The following SYCE1L variants were observed in gnomAD, a reference collection of about 807,000 sequenced individuals.
SYCE1L encodes the protein synaptonemal complex central element protein 1 like, also known as synaptonemal complex central element protein 1-like.
In SYCE1L, 51 loss-of-function variants were observed where a neutral mutation model predicts 39.6. The observed-to-expected ratio is 1.29, with a 90% CI of 1.03 to 1.63. The LOEUF (loss-of-function observed/expected upper bound fraction) is 1.63. SYCE1L is among the 40% of genes most tolerant of loss of function. The pLI, the probability that SYCE1L is intolerant of heterozygous loss-of-function variation, is 0.00. For synonymous variants in SYCE1L, 147 were observed against 122.4 expected (o/e 1.20, Z -1.33); for missense variants, 426 against 304.9 (o/e 1.40, Z -2.96).
chr16:77,204,092 TAA>T (rs904781959), intron 1 of SYCE1L, among the ~76,000 whole-genome samples: 9 of 152,030 alleles, frequency 5.9e-5, no homozygotes, highest in Non-Finnish European at 1.3e-4. Context: ...AGAAAAAGAT[TAA>T]AAACATACTT....
intron 4 of SYCE1L, 119 bp downstream of exon 4, chr16:77,208,658 C>T (rs2054802557): frequency 9.9e-7 from 1 of 1,012,964 alleles, no homozygotes; most frequent in Admixed American, 2.6e-5. Flanking sequence ...ATCTGTATTG[C>T]CTTTCACTGT....
rs62049595 is a variant in SYCE1L at position 77,212,989 on chromosome 16, G to C, written c.*58G>C. The C allele has an allele frequency of 2.8e-6, 4 of 1,422,050 alleles. No individual in the cohort carries two copies. The Admixed American group carries it at 9.9e-5, about 35-fold the overall frequency. 88.1% of individuals were successfully genotyped at this position (1,422,050 alleles called of 1,614,324 possible). A position where few individuals can be genotyped will look rare whatever the true frequency, so the allele number is the denominator to read the frequency against. ...TCGAGACCCGCCAAGAAATAAAGGC[G>C]ATGATTTCCGACCATGCTCGCGTTC... is the stretch of plus-strand genomic sequence containing the variant. On this transcript the variant is annotated 3_prime_UTR_variant, in exon 11 of 11. Coordinates refer to ENST00000378644, the MANE Select transcript of SYCE1L (RefSeq NM_001129979.3).
intron 9 of SYCE1L, 68 bp from the exon 10 acceptor site, chr16:77,212,506 G>A: frequency 6.5e-7 from 1 of 1,538,456 alleles, no homozygotes; most frequent in Non-Finnish European, 8.7e-7. Flanking sequence ...TCCGCGTCTC[G>A]GTGGCTTCCT....
intron 7 of SYCE1L, among the ~76,000 whole-genome samples, chr16:77,211,765 G>C (rs754340637): frequency 6.6e-6 from 1 of 152,190 alleles, no homozygotes; most frequent in Non-Finnish European, 1.5e-5. Context: ...AGGCCTCTAA[G>C]CAAGTGACAT....
intron 10 of SYCE1L, 30 bp downstream of exon 10, chr16:77,212,676 G>A (rs1393669318): frequency 1.3e-6 from 2 of 1,522,990 alleles, no homozygotes; most frequent in Middle Eastern, 2.1e-4. Flanking sequence ...GAGGCGGGGC[G>A]GGCAGGGACC....
rs755897206 is a variant in SYCE1L, at chr16:77,206,434, T to C, written c.62-7T>C. ...GTGTCCTGTAATTTTGATTTTCCTT[T>C]CTACAGGGCAAGCCAAGTCTTTGAA... On this transcript the variant is annotated splice_polypyrimidine_tract_variant and splice_region_variant and intron_variant, in intron 1 of 10. Coordinates refer to ENST00000378644, the MANE Select transcript of SYCE1L (RefSeq NM_001129979.3). The C allele has an allele frequency of 3.5e-5, 55 of 1,551,318 alleles. No homozygotes were observed. The highest frequency in any genetic ancestry group is 7.1e-5 in the South Asian group (6 of 84,004).
At position 77,208,223 on chromosome 16, in the gene SYCE1L, G is replaced by A. The variant is rs1196981140; in HGVS notation, c.135G>A (p.Glu45=). 6.4e-7 allele frequency: 1 copy of A among 1,551,500 alleles called. No individual in the cohort carries two copies. Among genetic ancestry groups the A allele is most frequent in the African/African-American group, 1.4e-5 (1 of 73,056 alleles). Residue 45 remains glutamate (E), a synonymous_variant, in exon 3 of 11, where the codon GAG becomes GAA. Coordinates refer to ENST00000378644, the MANE Select transcript of SYCE1L (RefSeq NM_001129979.3). The part of the protein sequence containing the change: ...VIKLQKEGSL[E]PQIEDLISRI... ...TTCTTTCTTCAGAGGGAAGCCTGGA[G>A]CCACAGATAGAGGACCTGATTAGCC...
Position 77,212,318 on chromosome 16 carries a change from G to A in SYCE1L, c.530G>A (p.Arg177Gln). Residue 177 changes from arginine to glutamine, a missense_variant, in exon 9 of 11, where the codon CGG becomes CAG. Physicochemically the swap from Arg to Gln is conservative, Grantham distance 43 (BLOSUM62 1). Coordinates refer to ENST00000378644, the MANE Select transcript of SYCE1L (RefSeq NM_001129979.3). The part of the protein sequence containing the change: ...LVRAKLREVE[R>Q]RLHSPPEVEG... Reference sequence around the variant, plus strand: ...CGCGCCAAGCTGCGGGAGGTGGAGCGGCGGCTGCACTCGCCGCCTGAGGTC... The same window carrying A: ...CGCGCCAAGCTGCGGGAGGTGGAGCAGCGGCTGCACTCGCCGCCTGAGGTC... 1 of 1,524,904 alleles carries A rather than the reference G, an allele frequency of 6.6e-7. No individual in the cohort carries two copies. Among genetic ancestry groups the A allele is most frequent in the Non-Finnish European group, 8.8e-7 (1 of 1,137,714 alleles). The allele number at this position is 1,524,904 out of a possible 1,614,324, so 94.5% of individuals were successfully genotyped here. A position where few individuals can be genotyped will look rare whatever the true frequency, so the allele number is the denominator to read the frequency against.
chr16:77,203,862 T>G (rs111549465), intron 1 of SYCE1L, among the ~76,000 whole-genome samples: 4,128 of 152,284 alleles, frequency 0.027, 87 homozygotes, highest in Non-Finnish European at 0.044. Context: ...CCCAAAGTGC[T>G]GGGATTACAG....
chr16:77,211,300 A>C, intron 7 of SYCE1L, 24 bp downstream of exon 7: 1 of 1,551,694 alleles, frequency 6.4e-7, no homozygotes, highest in Non-Finnish European at 8.7e-7. Flanking sequence ...ATTGCCTGCA[A>C]CCAAAGCCAC....
At chr16:77,206,260 C>T (rs1308506980) in intron 1 of SYCE1L, among the ~76,000 whole-genome samples, 181 bp from the exon 2 acceptor site, 1 of 152,096 alleles carries the variant, frequency 6.6e-6, no homozygotes, top group Admixed American at 6.5e-5. Flanking sequence ...ATTTATCTAG[C>T]ACACACTATA....
rs1279245132 is a variant in SYCE1L at position 77,212,599 on chromosome 16, G to C, written c.607G>C (p.Gly203Arg). 1.3e-6 allele frequency: 2 copies of C among 1,536,308 alleles called. No homozygotes were observed. The highest frequency in any genetic ancestry group is 1.4e-5 in the African/African-American group (1 of 73,070). The stretch of plus-strand genomic sequence containing the variant: ...GCTGAAGGCGGAGCTGGAGATATTC[G>C]GGGAGCAGGTCCGGAGCGCCCCCGA... ...DGLKAELEIF[G>R]EQVRSAPEVG... The change falls in exon 10 of 11, where the codon GGG becomes CGG. Residue 203 changes from glycine (G) to arginine (R), a missense_variant. Transcript: ENST00000378644.
Position 77,212,280 on chromosome 16 carries a change from A to G in SYCE1L, c.494-2A>G. On this transcript the variant is annotated splice_acceptor_variant, in intron 8 of 10. Transcript: ENST00000378644. LOFTEE classifies it high-confidence loss of function. ...CTGCCCCTGACGCCCGCCCACCGAC[A>G]GGGAGGCTGGTGCGCGCCAAGCTGC... The G allele has an allele frequency of 6.6e-7, 1 of 1,519,124 alleles. No homozygotes were observed. The highest frequency in any genetic ancestry group is 8.8e-7 in the Non-Finnish European group (1 of 1,134,226). The allele number at this position is 1,519,124 out of a possible 1,614,324, so 94.1% of individuals were successfully genotyped here.
At chr16:77,212,727 C>G in intron 10 of SYCE1L, 81 bp downstream of exon 10, 18 of 1,446,300 alleles carry the variant, frequency 1.2e-5, no homozygotes, top group Non-Finnish European at 1.6e-5. Flanking sequence ...GAGCGGCCCC[C>G]GAGAGTGGGG....
Position 77,212,283 on chromosome 16 carries a change from G to A in SYCE1L, c.495G>A (p.Arg165=), listed in dbSNP as rs1406720539. 12 of 1,521,130 alleles carry A rather than the reference G, an allele frequency of 7.9e-6. No individual in the cohort carries two copies. The highest frequency in any genetic ancestry group is 2.2e-5 in the Admixed American group (1 of 44,566). The allele number at this position is 1,521,130 out of a possible 1,614,324, so 94.2% of individuals were successfully genotyped here. ...ERSKEQLLSE[R]RLVRAKLREV... ...CCCCTGACGCCCGCCCACCGACAGG[G>A]AGGCTGGTGCGCGCCAAGCTGCGGG... Residue 165 remains arginine, a splice_region_variant and synonymous_variant, in exon 9 of 11, where the codon AGG becomes AGA. Transcript: ENST00000378644.
intron 1 of SYCE1L, among the ~76,000 whole-genome samples, chr16:77,203,746 C>T (rs1256326827): frequency 6.6e-6 from 1 of 152,106 alleles, no homozygotes; most frequent in East Asian, 1.9e-4. Context: ...AGGCGTGCAT[C>T]AACATGTCCG....
At chr16:77,200,235 T>C (rs559265049) in intron 1 of SYCE1L, 7 of 118,710 alleles carry the variant, frequency 5.9e-5, no homozygotes, top group Admixed American at 4.1e-4. Flanking sequence ...TGTGTGTGTA[T>C]ATATATATAT....
At chr16:77,199,680 A>G (rs1280135614) in intron 1 of SYCE1L, 168 bp downstream of exon 1, 38 of 586,648 alleles carry the variant, frequency 6.5e-5, no homozygotes, top group Non-Finnish European at 9.0e-6. Flanking sequence ...AGCACAGTGG[A>G]GATAAATTAA....
chr16:77,213,053 C>T lies in SYCE1L; in HGVS notation c.*122C>T, dbSNP rs1352342142. On this transcript the variant is annotated 3_prime_UTR_variant, in exon 11 of 11. Transcript: ENST00000378644. ...TGCTACACCGTGGAGCGGGGCGGGG[C>T]GTGCTGGGATCTCGAGGCGGGGCCT... 1.3e-5 allele frequency: 14 copies of T among 1,082,334 alleles called. No homozygotes were observed. In the South Asian group the frequency reaches 2.9e-4, roughly 22 times the overall value. 67.0% of individuals were successfully genotyped at this position (1,082,334 alleles called of 1,614,324 possible). A position where few individuals can be genotyped will look rare whatever the true frequency, so the allele number is the denominator to read the frequency against.
Sources: gnomAD v4.1 joint callset for allele counts (sites outside exome capture counted in the v4.1 genomes callset) on GRCh38, gnomAD v4.1.1 for gene constraint, MANE v1.5 for transcripts, NCBI Gene and HGNC (gene_info 2026-07-23, HGNC 2026-07-21) for gene names.